C2orf80: variants seen among roughly 807,000 people sequenced by gnomAD.
C2orf80 encodes the protein chromosome 2 open reading frame 80, also known as uncharacterized protein C2orf80.
C2orf80 carries 28 observed loss-of-function variants against 30.2 expected under a neutral mutation model. That is an observed-to-expected ratio of 0.93 (90% CI 0.69 to 1.27). C2orf80 has a LOEUF of 1.27. Among genes scored for constraint, C2orf80 ranks in the 50% most tolerant of loss-of-function variants. The pLI is 0.00. For missense variants in C2orf80, 220 were observed against 231.0 expected, an observed-to-expected ratio of 0.95 and a Z score of 0.31; for synonymous variants, 80 against 76.4, an observed-to-expected ratio of 1.05 and a Z score of -0.24.
At chr2:208,175,471 T>A (rs1181329656) in intron 6 of C2orf80, among the ~76,000 whole-genome samples, 1 of 151,946 alleles carries the variant, frequency 6.6e-6, no homozygotes, top group Non-Finnish European at 1.5e-5. Flanking sequence ...GCTAACAGAG[T>A]AGGTGAGCAA....
chr2:208,174,829 T>C (rs947761399), intron 6 of C2orf80, among the ~76,000 whole-genome samples: 2 of 152,244 alleles, frequency 1.3e-5, no homozygotes, highest in Admixed American at 1.3e-4. Context: ...GTTCTAGTGC[T>C]GTCTGACCAC....
In C2orf80 at chr2:208,186,975, C is replaced by T. The variant is rs370086000; in HGVS notation, c.12G>A (p.Arg4=). ...GCTTTTTCATTTCCTTCTTTATGAG[C>T]CTTCTTTCCATGTTAAAGGCTTAGC... MER[R]LIKKEMKKLL... is the part of the protein sequence containing the mutation. The change falls in exon 2 of 9, where the codon AGG becomes AGA. Residue 4 remains arginine, a synonymous_variant. Transcript: ENST00000341287. 171 of 1,613,948 alleles carry T rather than the reference C, an allele frequency of 1.1e-4. No individual in the cohort carries two copies. The highest frequency in any genetic ancestry group is 1.3e-4 in the Non-Finnish European group (159 of 1,179,940).
rs1272115105 is a variant in C2orf80 at position 208,169,009 on chromosome 2, T to G, written c.573+1936A>C. Among the ~76,000 whole-genome samples, 8 of 151,596 alleles carry G rather than the reference T, an allele frequency of 5.3e-5. No individual in the cohort carries two copies. The South Asian group carries it at 1.5e-3, about 28-fold the overall frequency. The stretch of plus-strand genomic sequence containing the variant: ...AAATTGTTACTGAATCTCTGCTGCC[T>G]GCGAAGTACTTTATATACATGTGAG... On this transcript the variant is annotated intron_variant, in intron 8 of 8. Coordinates refer to ENST00000341287, the MANE Select transcript of C2orf80 (RefSeq NM_001099334.3).
chr2:208,168,828 TC>T, intron 8 of C2orf80, among the ~76,000 whole-genome samples: 1 of 148,212 alleles, frequency 6.7e-6, no homozygotes, highest in South Asian at 2.1e-4. Flanking sequence ...GGGCATTTGT[TC>T]TTTCGACACT....
intron 6 of C2orf80, 69 bp from the exon 7 acceptor site, chr2:208,172,144 G>A: frequency 8.3e-7 from 1 of 1,206,084 alleles, no homozygotes. Context: ...GCTAGTCACA[G>A]CATTTGGCCT....
At chr2:208,189,725 A>C in intron 1 of C2orf80, 1 of 544,104 alleles carries the variant, frequency 1.8e-6, no homozygotes, top group Non-Finnish European at 3.2e-6. Context: ...GAAAGCACAC[A>C]CAAAAGAGGT....
Position 208,165,606 on chromosome 2 carries a change from G to T in C2orf80, c.*201C>A. On this transcript the variant is annotated 3_prime_UTR_variant, in exon 9 of 9. Transcript: ENST00000341287. ...CACAATGAAGTAGCATAAGGTCACA[G>T]TTTTTTTTTTTAAGAAAATGTAGCC... 1 of 477,994 alleles carries T rather than the reference G, an allele frequency of 2.1e-6. No homozygotes were observed. The highest frequency in any genetic ancestry group is 3.6e-6 in the Non-Finnish European group (1 of 275,154). 29.6% of individuals were successfully genotyped at this position (477,994 alleles called of 1,614,324 possible). A position where few individuals can be genotyped will look rare whatever the true frequency, so the allele number is the denominator to read the frequency against.
At chr2:208,182,683 G>C (rs1696595332) in intron 4 of C2orf80, among the ~76,000 whole-genome samples, 1 of 152,222 alleles carries the variant, frequency 6.6e-6, no homozygotes, top group Non-Finnish European at 1.5e-5. Context: ...TTACAGGCCT[G>C]AGCCACCGCG....
rs59179756 is a variant in C2orf80, at chr2:208,167,892, T to TTTA, written c.574-2078_574-2077insTAA. On this transcript the variant is annotated intron_variant, in intron 8 of 8. Transcript: ENST00000341287. ...TGCCTGGCTGTGATTTTTTTTTTTT[T>TTTA]AATAATTTCCTCTTTTCTCTTACTC... Among the ~76,000 whole-genome samples the TTTA allele has an allele frequency of 7.1e-4, 108 of 151,224 alleles. 1 individual carries two copies. Among genetic ancestry groups the TTTA allele is most frequent in the African/African-American group, 1.7e-3 (70 of 41,208 alleles).
chr2:208,183,203 ATT>A (rs71036988), intron 3 of C2orf80, among the ~76,000 whole-genome samples, 156 bp from the exon 4 acceptor site: 2 of 145,592 alleles, frequency 1.4e-5, no homozygotes. Context: ...GCTCGGCCAG[ATT>A]TTTTTTTTTT....
intron 2 of C2orf80, among the ~76,000 whole-genome samples, 167 bp from the exon 3 acceptor site, chr2:208,185,199 A>G (rs1696683427): frequency 6.6e-6 from 1 of 152,000 alleles, no homozygotes; most frequent in South Asian, 2.1e-4. Flanking sequence ...CGACAATTCT[A>G]CAATGCTGCA....
In C2orf80 at chr2:208,187,014, A is replaced by G. The variant is rs1297332456; in HGVS notation, c.-28T>C. The G allele has an allele frequency of 1.2e-6, 2 of 1,613,016 alleles. No individual in the cohort carries two copies. The highest frequency in any genetic ancestry group is 2.2e-5 in the East Asian group (1 of 44,886). On this transcript the variant is annotated 5_prime_UTR_variant, in exon 2 of 9. Coordinates refer to ENST00000341287, the MANE Select transcript of C2orf80 (RefSeq NM_001099334.3). ...TAAAGGCTTAGCCAGCTGAGCAGGT[A>G]TCTGCAGCTAACACTACACTTAGAC... is the stretch of plus-strand genomic sequence containing the variant.
At chr2:208,181,089 C>T in intron 5 of C2orf80, 129 bp downstream of exon 5, 2 of 732,292 alleles carry the variant, frequency 2.7e-6, no homozygotes, top group Admixed American at 2.9e-5. Context: ...AAAAACGAAA[C>T]ATTTACTATC....
chr2:208,176,941 C>CTG (rs1553597396), intron 6 of C2orf80, among the ~76,000 whole-genome samples: 2 of 30,220 alleles, frequency 6.6e-5, no homozygotes, highest in Non-Finnish European at 1.1e-4. Flanking sequence ...GTATACATAT[C>CTG]TGTATACATA....
At chr2:208,168,258 CA>C (rs752880948) in intron 8 of C2orf80, 10 of 207,662 alleles carry the variant, frequency 4.8e-5, no homozygotes, top group Middle Eastern at 1.6e-3. Context: ...AAAAGTGGGA[CA>C]GGGGTGTGAA....
At chr2:208,186,186 T>C (rs1008402359) in intron 2 of C2orf80, among the ~76,000 whole-genome samples, 6 of 152,204 alleles carry the variant, frequency 3.9e-5, no homozygotes, top group African/African-American at 1.2e-4. Flanking sequence ...TGTATACATG[T>C]ATATATGTAC....
Position 208,165,491 on chromosome 2 carries a change from T to C in C2orf80, c.*316A>G, listed in dbSNP as rs998631702. The stretch of plus-strand genomic sequence containing the variant: ...CACTCCATCACTGTGCAATATTCAA[T>C]GCCACACATTTGTAAAATGTGCTAC... On this transcript the variant is annotated 3_prime_UTR_variant, in exon 9 of 9. Transcript: ENST00000341287. 2 of 272,264 alleles carry C rather than the reference T, an allele frequency of 7.3e-6. No homozygotes were observed. Among genetic ancestry groups the C allele is most frequent in the African/African-American group, 4.4e-5 (2 of 45,320 alleles). 16.9% of individuals were successfully genotyped at this position (272,264 alleles called of 1,614,324 possible). A position where few individuals can be genotyped will look rare whatever the true frequency, so the allele number is the denominator to read the frequency against.
chr2:208,171,125 A>C (rs4292037), intron 7 of C2orf80, 62 bp from the exon 8 acceptor site: 968,925 of 1,069,010 alleles, frequency 0.91, 439,962 homozygotes, highest in Non-Finnish European at 0.93. Flanking sequence ...TGTCCATCCA[A>C]AGTTTCATTT....
intron 6 of C2orf80, among the ~76,000 whole-genome samples, chr2:208,176,058 T>G (rs1221001840): frequency 1.4e-4 from 21 of 152,322 alleles, no homozygotes; most frequent in Non-Finnish European, 5.9e-5. Flanking sequence ...GAGGCAAAGT[T>G]TACATTGTGT....
Sources: gnomAD v4.1 joint callset for allele counts (sites outside exome capture counted in the v4.1 genomes callset) on GRCh38, gnomAD v4.1.1 for gene constraint, MANE v1.5 for transcripts, NCBI Gene and HGNC (gene_info 2026-07-23, HGNC 2026-07-21) for gene names.